The following CPAMD8 variants were observed in gnomAD, a reference collection of about 807,000 sequenced individuals.
CPAMD8 encodes C3 and PZP like alpha-2-macroglobulin domain containing 8, also known as C3 and PZP-like alpha-2-macroglobulin domain-containing protein 8.
A neutral mutation model predicts 224.7 loss-of-function variants in CPAMD8; 146 were observed. The observed-to-expected ratio is 0.65, with a 90% CI of 0.57 to 0.75. CPAMD8 has a LOEUF of 0.75. Ranked by LOEUF, CPAMD8 falls within the 30% of genes least tolerant of loss-of-function variation. The probability of loss-of-function intolerance (pLI) is 0.00; values close to 1 mark genes in which losing one functional copy is unlikely to be tolerated. For synonymous variants in CPAMD8, 966 were observed against 1,044.6 expected (o/e 0.92, Z 1.45); for missense variants, 2,301 against 2,537.5 (o/e 0.91, Z 2.00).
At chr19:16,938,519 C>T (rs772818088) in intron 22 of CPAMD8, 73 bp from the exon 23 acceptor site, 2 of 797,294 alleles carry the variant, frequency 2.5e-6, no homozygotes, top group Admixed American at 2.7e-5. Context: ...GAGCAGCTGG[C>T]TCTCCCACAG....
intron 3 of CPAMD8, 104 bp from the exon 4 acceptor site, chr19:17,011,861 G>A: frequency 7.6e-7 from 1 of 1,313,270 alleles, no homozygotes; most frequent in South Asian, 1.5e-5. Flanking sequence ...CTCACCCCAG[G>A]AGTGACTGTG....
At chr19:16,984,029 G>A (rs2122803355) in intron 13 of CPAMD8, among the ~76,000 whole-genome samples, 1 of 152,278 alleles carries the variant, frequency 6.6e-6, no homozygotes, top group African/African-American at 2.4e-5. Context: ...ATAGAAGTGA[G>A]AGCCCTGAAA....
At chr19:16,933,574 G>A (rs1035975384) in intron 23 of CPAMD8, among the ~76,000 whole-genome samples, 1 of 152,130 alleles carries the variant, frequency 6.6e-6, no homozygotes, top group African/African-American at 2.4e-5. Flanking sequence ...TAGCAAACAG[G>A]CAAATGAAAA....
At chr19:16,934,642 T>G (rs1339817010) in intron 23 of CPAMD8, among the ~76,000 whole-genome samples, 1 of 152,120 alleles carries the variant, frequency 6.6e-6, no homozygotes, top group African/African-American at 2.4e-5. Context: ...AACAACTATG[T>G]TAAAACAAAC....
Position 16,997,092 on chromosome 19 carries a change from ACAGTCACCCC to A in CPAMD8, c.1095+9_1095+18del. 1 of 1,538,068 alleles carries A rather than the reference ACAGTCACCCC, an allele frequency of 6.5e-7. No homozygotes were observed. Among genetic ancestry groups the A allele is most frequent in the Non-Finnish European group, 9.0e-7 (1 of 1,110,876 alleles). ...CGGTGGTCCTTGGGCGGGAGGCAGC[ACAGTCACCCC>A]CAAGTTACCTTCCCCACGTAGGCCA... On this transcript the variant is annotated intron_variant, in intron 11 of 41. Coordinates refer to ENST00000443236, the MANE Select transcript of CPAMD8 (RefSeq NM_015692.5).
At chr19:16,903,527 G>A (rs1254180458) in intron 34 of CPAMD8, 34 bp downstream of exon 34, 17 of 1,613,344 alleles carry the variant, frequency 1.1e-5, no homozygotes, top group Non-Finnish European at 1.4e-5. Flanking sequence ...AGGAGGACAA[G>A]CCCAAGATCA....
At chr19:17,013,297 C>T (rs1341301308) in intron 3 of CPAMD8, 1 of 151,922 alleles carries the variant, frequency 6.6e-6, no homozygotes, top group Non-Finnish European at 1.5e-5. Flanking sequence ...TGGCTTGAGG[C>T]CAGAAGTTCA....
chr19:17,017,875 A>G (rs2056852389), intron 3 of CPAMD8, among the ~76,000 whole-genome samples: 1 of 152,162 alleles, frequency 6.6e-6, no homozygotes, highest in Non-Finnish European at 1.5e-5. Context: ...TATTAAAAAT[A>G]CAAAAAAATT....
chr19:17,010,196 T>C (rs894245593), intron 5 of CPAMD8, among the ~76,000 whole-genome samples: 13 of 152,122 alleles, frequency 8.5e-5, no homozygotes, highest in Admixed American at 6.6e-4. Context: ...ATTATTATTG[T>C]GTCAATGTCA....
chr19:17,018,944 C>A (rs1599929828), intron 3 of CPAMD8, among the ~76,000 whole-genome samples: 3 of 148,872 alleles, frequency 2.0e-5, no homozygotes, highest in South Asian at 4.2e-4. Context: ...CTGAAACAAT[C>A]TAGAAAAAAT....
At chr19:16,959,843 T>C (rs1300896629) in intron 18 of CPAMD8, among the ~76,000 whole-genome samples, 2 of 152,210 alleles carry the variant, frequency 1.3e-5, no homozygotes, top group Non-Finnish European at 2.9e-5. Context: ...CCGGCCTGCA[T>C]GTGTATCTTC....
intron 27 of CPAMD8, among the ~76,000 whole-genome samples, chr19:16,918,287 G>T (rs960708956): frequency 6.6e-6 from 1 of 152,134 alleles, no homozygotes; most frequent in African/African-American, 2.4e-5. Flanking sequence ...GAGCCACAGC[G>T]CCCGGCCCCT....
intron 27 of CPAMD8, among the ~76,000 whole-genome samples, 194 bp from the exon 28 acceptor site, chr19:16,915,007 C>T (rs570027827): frequency 1.3e-5 from 2 of 152,332 alleles, no homozygotes; most frequent in South Asian, 4.1e-4. Context: ...CCCAGTGGGG[C>T]TTGAAGACGG....
chr19:16,912,665 T>C (rs1029621337), intron 29 of CPAMD8, among the ~76,000 whole-genome samples: 2 of 151,944 alleles, frequency 1.3e-5, no homozygotes, highest in African/African-American at 4.8e-5. Flanking sequence ...TGCCATGCCA[T>C]GGATCCCACC....
chr19:16,950,100 C>A (rs899944172), intron 20 of CPAMD8, among the ~76,000 whole-genome samples: 1 of 151,922 alleles, frequency 6.6e-6, no homozygotes, highest in Non-Finnish European at 1.5e-5. Context: ...GAGTTCGAGA[C>A]CAGCCTGGCC....
intron 19 of CPAMD8, among the ~76,000 whole-genome samples, chr19:16,953,602 G>A (rs2054366856): frequency 6.7e-6 from 1 of 149,790 alleles, no homozygotes; most frequent in African/African-American, 2.5e-5. Context: ...TTGGGAGGCT[G>A]AGGTTGGGGG....
chr19:16,903,541 C>T lies in CPAMD8; in HGVS notation c.4470+20G>A, dbSNP rs1335635649. ...CAGGAGGACAAGCCCAAGATCACCT[C>T]GTGCTCCCCAAAACCTCACCTGCAT... is the stretch of plus-strand genomic sequence containing the variant. On this transcript the variant is annotated intron_variant, in intron 34 of 41. Transcript: ENST00000443236. The T allele has an allele frequency of 9.3e-6, 15 of 1,613,784 alleles. No individual in the cohort carries two copies. The highest frequency in any genetic ancestry group is 1.7e-5 in the Admixed American group (1 of 59,970).
At chr19:16,895,558 G>T in intron 41 of CPAMD8, 1 of 240,164 alleles carries the variant, frequency 4.2e-6, no homozygotes, top group Non-Finnish European at 8.4e-6. Context: ...AGAGCAGCTG[G>T]AAGGATCCTG....
rs759072649 is a variant in CPAMD8 at position 16,970,913 on chromosome 19, C to G, written c.2191G>C (p.Ala731Pro). ...TACCTGGGGGGGTGCCTGGAAGGAG[C>G]CACTGCCACCAGGCTCCCTGTGTGG... ...QPHTGSLVAV[A>P]PSRHPPRTEK... Residue 731 changes from alanine (A) to proline (P), a missense_variant, in exon 18 of 42, where the codon GCT becomes CCT. Ala to Pro is a conservative substitution (Grantham distance 27). Transcript: ENST00000443236. 2 of 1,613,612 alleles carry G rather than the reference C, an allele frequency of 1.2e-6. No homozygotes were observed. Among genetic ancestry groups the G allele is most frequent in the Non-Finnish European group, 8.5e-7 (1 of 1,179,852 alleles).
Sources: gnomAD v4.1 joint callset for allele counts (sites outside exome capture counted in the v4.1 genomes callset) on GRCh38, gnomAD v4.1.1 for gene constraint, MANE v1.5 for transcripts, NCBI Gene and HGNC (gene_info 2026-07-23, HGNC 2026-07-21) for gene names.